Variants in EYS observed in about 807,000 individuals in gnomAD.
The protein encoded by EYS is EGF-like photoreceptor maintenance factor.
EYS carries 250 observed loss-of-function variants against 282.1 expected under a neutral mutation model. That is an observed-to-expected ratio of 0.89 (90% CI 0.80 to 0.98). The LOEUF is 0.98. Ranked by LOEUF, EYS falls within the 50% of genes least tolerant of loss-of-function variation. The probability of loss-of-function intolerance (pLI) is 0.00; values close to 1 mark genes in which losing one functional copy is unlikely to be tolerated. For synonymous variants in EYS, 1,355 were observed against 1,282.9 expected, an observed-to-expected ratio of 1.06 and a Z score of -1.20; for missense variants, 4,016 against 3,709.0, an observed-to-expected ratio of 1.08 and a Z score of -2.15.
chr6:63,896,287 C>T (rs1325614000), intron 35 of EYS, among the ~76,000 whole-genome samples: 1 of 152,162 alleles, frequency 6.6e-6, no homozygotes, highest in Non-Finnish European at 1.5e-5. Context: ...TTACAATGCA[C>T]TGAATCATTT....
rs748866865 is a variant in EYS at position 64,117,607 on chromosome 6, C to T, written c.6425-35605G>A. Among the ~76,000 whole-genome samples the T allele has an allele frequency of 4.0e-5, 6 of 149,536 alleles. No homozygotes were observed. In the South Asian group the frequency reaches 6.4e-4, roughly 16 times the overall value. Reference sequence around the variant, plus strand: ...AATTATATGCCAACAAATTGGATACCCTAGAAAAATGAAAAAAATCCTAGA... The same window carrying T: ...AATTATATGCCAACAAATTGGATACTCTAGAAAAATGAAAAAAATCCTAGA... On this transcript the variant is annotated intron_variant, in intron 31 of 42. Coordinates refer to ENST00000503581, the MANE Select transcript of EYS (RefSeq NM_001142800.2).
intron 35 of EYS, among the ~76,000 whole-genome samples, chr6:63,951,814 C>G (rs187526038): frequency 2.6e-4 from 39 of 152,268 alleles, no homozygotes; most frequent in Non-Finnish European, 4.1e-4. Context: ...AGCATTTAGA[C>G]TCTTTTTCAC....
intron 35 of EYS, among the ~76,000 whole-genome samples, chr6:63,973,802 T>C (rs945961144): frequency 6.6e-6 from 1 of 152,158 alleles, no homozygotes; most frequent in African/African-American, 2.4e-5. Flanking sequence ...TGTTTTCTCA[T>C]GTAGTTTATA....
intron 2 of EYS, among the ~76,000 whole-genome samples, chr6:65,535,783 T>C (rs1273797109): frequency 6.6e-6 from 1 of 152,156 alleles, no homozygotes; most frequent in Non-Finnish European, 1.5e-5. Flanking sequence ...CCATCTGTTT[T>C]ACTCAGTTTA....
intron 36 of EYS, among the ~76,000 whole-genome samples, chr6:63,849,839 C>A (rs1443054616): frequency 1.3e-5 from 2 of 152,086 alleles, no homozygotes; most frequent in Non-Finnish European, 2.9e-5. Flanking sequence ...CACAAATGGA[C>A]AGGAGTAGGC....
intron 1 of EYS, among the ~76,000 whole-genome samples, chr6:65,671,441 T>C (rs1582586125): frequency 6.6e-6 from 1 of 152,020 alleles, no homozygotes; most frequent in African/African-American, 2.4e-5. Flanking sequence ...GAATAAATAA[T>C]AATAAACTTT....
intron 22 of EYS, among the ~76,000 whole-genome samples, chr6:64,771,845 T>C (rs541494032): frequency 1.3e-5 from 2 of 151,848 alleles, no homozygotes; most frequent in African/African-American, 4.8e-5. Flanking sequence ...TGCAATGTTC[T>C]AAATGTAAGA....
In EYS at chr6:64,567,766, G is replaced by A. The variant is rs935248203; in HGVS notation, c.5644+22457C>T. 3.9e-5 allele frequency among the ~76,000 whole-genome samples: 6 copies of A among 152,036 alleles called. No individual in the cohort carries two copies. The South Asian group carries it at 8.3e-4, about 21-fold the overall frequency. On this transcript the variant is annotated intron_variant, in intron 26 of 42. Coordinates refer to ENST00000503581, the MANE Select transcript of EYS (RefSeq NM_001142800.2). Reference sequence around the variant, plus strand: ...GCATAAAAATGTAATTTACAAAAGCGGTATCTTAAGAGCAATAAAAAATAA... The same window carrying A: ...GCATAAAAATGTAATTTACAAAAGCAGTATCTTAAGAGCAATAAAAAATAA...
At chr6:64,651,716 CAGAGA>C (rs1768568751) in intron 22 of EYS, among the ~76,000 whole-genome samples, 2 of 151,982 alleles carry the variant, frequency 1.3e-5, no homozygotes, top group South Asian at 4.1e-4. Context: ...AAATACATAT[CAGAGA>C]AAAGTTCAAT....
chr6:64,879,204 T>C (rs1562239732), intron 19 of EYS, among the ~76,000 whole-genome samples: 1 of 152,148 alleles, frequency 6.6e-6, no homozygotes, highest in Non-Finnish European at 1.5e-5. Flanking sequence ...TATCATTTCC[T>C]ATGAAGGGGA....
intron 24 of EYS, among the ~76,000 whole-genome samples, chr6:64,595,898 T>A (rs1189931804): frequency 6.6e-6 from 1 of 152,182 alleles, no homozygotes; most frequent in Non-Finnish European, 1.5e-5. Context: ...TGAGACTGGG[T>A]ATTTCATAAA....
chr6:65,077,938 A>G (rs1774104910), intron 12 of EYS, among the ~76,000 whole-genome samples: 1 of 152,130 alleles, frequency 6.6e-6, no homozygotes, highest in Non-Finnish European at 1.5e-5. Context: ...TGTTGTATTC[A>G]TAATTAAACA....
At chr6:64,720,637 A>C (rs1425305997) in intron 22 of EYS, among the ~76,000 whole-genome samples, 1 of 152,226 alleles carries the variant, frequency 6.6e-6, no homozygotes, top group African/African-American at 2.4e-5. Context: ...ATAGAACCTC[A>C]TTAATGAGAC....
chr6:64,633,039 T>G (rs1226118196), intron 22 of EYS, among the ~76,000 whole-genome samples: 1 of 152,130 alleles, frequency 6.6e-6, no homozygotes, highest in African/African-American at 2.4e-5. Flanking sequence ...ATAAGTAATT[T>G]TAGTGTTGTT....
At chr6:65,028,701 T>A (rs559964012) in intron 13 of EYS, among the ~76,000 whole-genome samples, 3 of 152,228 alleles carry the variant, frequency 2.0e-5, no homozygotes, top group African/African-American at 7.2e-5. Flanking sequence ...TTTAGTTAGG[T>A]TGTTCTAATA....
At chr6:64,164,513 T>G (rs1440738015) in intron 31 of EYS, among the ~76,000 whole-genome samples, 1 of 152,112 alleles carries the variant, frequency 6.6e-6, no homozygotes, top group East Asian at 1.9e-4. Context: ...CTCATGTTAT[T>G]TGTTTAGCAA....
intron 19 of EYS, among the ~76,000 whole-genome samples, chr6:64,827,182 A>G (rs1765086614): frequency 6.6e-6 from 1 of 151,838 alleles, no homozygotes; most frequent in South Asian, 2.1e-4. Flanking sequence ...AAACATTCTC[A>G]ATATTTTCTC....
At chr6:65,137,043 G>T (rs2150206147) in intron 12 of EYS, among the ~76,000 whole-genome samples, 1 of 152,080 alleles carries the variant, frequency 6.6e-6, no homozygotes, top group South Asian at 2.1e-4. Flanking sequence ...GCAACACATT[G>T]TGCAGATATT....
chr6:64,193,425 C>A (rs1765178751), intron 31 of EYS, among the ~76,000 whole-genome samples: 1 of 152,048 alleles, frequency 6.6e-6, no homozygotes, highest in Non-Finnish European at 1.5e-5. Context: ...ATTCTCCTGC[C>A]TCAGCCTCCC....
Sources: allele counts gnomAD v4.1 joint callset (sites outside exome capture counted in the v4.1 genomes callset), GRCh38; gene constraint gnomAD v4.1.1; transcripts MANE v1.5; gene names NCBI Gene and HGNC (gene_info 2026-07-23, HGNC 2026-07-21).